The following FAM193A variants were observed in gnomAD, a reference collection of about 807,000 sequenced individuals.
FAM193A encodes family with sequence similarity 193 member A, also known as protein FAM193A.
FAM193A carries 22 observed loss-of-function variants against 126.5 expected under a neutral mutation model. That is an observed-to-expected ratio of 0.17 (90% CI 0.12 to 0.25). The LOEUF (loss-of-function observed/expected upper bound fraction) is 0.25. FAM193A is among the 10% of genes least tolerant of loss of function. FAM193A has a pLI of 1.00. For synonymous variants in FAM193A, 761 were observed against 646.8 expected, an observed-to-expected ratio of 1.18 and a Z score of -2.68; for missense variants, 1,675 against 1,672.8, an observed-to-expected ratio of 1.00 and a Z score of -0.02.
rs1711586393 is a variant in FAM193A, at chr4:2,655,655, G to A, written c.1312-2148G>A. Among the ~76,000 whole-genome samples the A allele has an allele frequency of 2.0e-5, 3 of 152,072 alleles. No individual in the cohort carries two copies. The South Asian group carries it at 6.2e-4, about 32-fold the overall frequency. The stretch of plus-strand genomic sequence containing the variant: ...AGTGTGCCAGCTAAGTTTTGGCTTG[G>A]TGCAGTGGCTCACAGCTGTAATCCC... On this transcript the variant is annotated intron_variant, in intron 7 of 20. Transcript: ENST00000637812.
intron 1 of FAM193A, among the ~76,000 whole-genome samples, chr4:2,592,260 T>C (rs1043475481): frequency 1.7e-4 from 26 of 152,154 alleles, no homozygotes; most frequent in African/African-American, 6.3e-4. Flanking sequence ...GGCTAATTTT[T>C]TGTATTTTTA....
intron 20 of FAM193A, among the ~76,000 whole-genome samples, chr4:2,730,832 G>A (rs2090082): frequency 0.34 from 51,991 of 151,746 alleles, 9,930 homozygotes; most frequent in Admixed American, 0.53. Context: ...GGCAGAGGTT[G>A]CAGTGAGCCA....
chr4:2,547,817 A>T (rs1436460411), intron 1 of FAM193A, among the ~76,000 whole-genome samples: 1 of 149,728 alleles, frequency 6.7e-6, no homozygotes, highest in East Asian at 2.0e-4. Flanking sequence ...TAGAGATGGG[A>T]TTTCACCATG....
chr4:2,576,437 T>C (rs1371305619), intron 1 of FAM193A, among the ~76,000 whole-genome samples: 1 of 152,182 alleles, frequency 6.6e-6, no homozygotes. Context: ...CAGTGGCATG[T>C]ACCTATAGGT....
chr4:2,708,246 C>T (rs1227550960), intron 19 of FAM193A: 2 of 407,272 alleles, frequency 4.9e-6, no homozygotes, highest in Non-Finnish European at 5.0e-6. Flanking sequence ...CTGCCTCAGC[C>T]TCCCAAGTAG....
At chr4:2,603,873 C>T (rs1247101711) in intron 2 of FAM193A, among the ~76,000 whole-genome samples, 1 of 149,586 alleles carries the variant, frequency 6.7e-6, no homozygotes, top group Non-Finnish European at 1.5e-5. Context: ...GACGGAATTT[C>T]ACTCTGTCAC....
intron 13 of FAM193A, among the ~76,000 whole-genome samples, chr4:2,680,156 C>T (rs1422049087): frequency 6.6e-6 from 1 of 152,194 alleles, no homozygotes; most frequent in East Asian, 1.9e-4. Flanking sequence ...CCACTGCGCC[C>T]AGCCTATTGG....
chr4:2,637,393 AG>A, intron 5 of FAM193A, among the ~76,000 whole-genome samples: 1 of 152,304 alleles, frequency 6.6e-6, no homozygotes, highest in African/African-American at 2.4e-5. Context: ...AATTGTCACT[AG>A]GCTTAAGTTA....
At chr4:2,635,310 C>A (rs1267730504) in intron 5 of FAM193A, among the ~76,000 whole-genome samples, 2 of 152,088 alleles carry the variant, frequency 1.3e-5, no homozygotes, top group Admixed American at 6.6e-5. Context: ...TGGACTTAGG[C>A]CCCTTTATAC....
At chr4:2,571,001 G>C (rs1739262167) in intron 1 of FAM193A, among the ~76,000 whole-genome samples, 1 of 152,112 alleles carries the variant, frequency 6.6e-6, no homozygotes, top group Non-Finnish European at 1.5e-5. Flanking sequence ...TTACGGAGTG[G>C]GTGGGGGTGT....
In FAM193A at chr4:2,700,363, CAAT is replaced by C. The variant is rs1409415691; in HGVS notation, c.4194_4196del (p.Asn1399del). On this transcript the variant is annotated inframe_deletion, in exon 19 of 21. Coordinates refer to ENST00000637812, the MANE Select transcript of FAM193A (RefSeq NM_001366318.2). ...AGGAGAGAAAAGTCAACAGTAATAACAATAACAAAAAGCAGCTGAACCACATCA... is the reference window on the plus strand; with the variant it reads ...AGGAGAGAAAAGTCAACAGTAATAACAACAAAAAGCAGCTGAACCACATCA... The C allele has an allele frequency of 1.2e-6, 2 of 1,613,948 alleles. No homozygotes were observed. Among genetic ancestry groups the C allele is most frequent in the African/African-American group, 2.7e-5 (2 of 74,906 alleles).
At chr4:2,614,489 C>T (rs1742069399) in intron 2 of FAM193A, among the ~76,000 whole-genome samples, 1 of 152,066 alleles carries the variant, frequency 6.6e-6, no homozygotes, top group Non-Finnish European at 1.5e-5. Context: ...TATCCTTTTG[C>T]TAGGTTGCTG....
At chr4:2,620,738 A>T (rs1742490161) in intron 2 of FAM193A, among the ~76,000 whole-genome samples, 1 of 148,778 alleles carries the variant, frequency 6.7e-6, no homozygotes. Flanking sequence ...AATCCCAGCT[A>T]CTCAGGAGAA....
chr4:2,653,155 CTTAGGGAAA>C (rs1745837853), intron 7 of FAM193A, among the ~76,000 whole-genome samples: 2 of 152,172 alleles, frequency 1.3e-5, no homozygotes, highest in African/African-American at 4.8e-5. Flanking sequence ...CAAAAATGCC[CTTAGGGAAA>C]TTCTTTTACT....
chr4:2,712,170 C>T (rs1719051064), intron 19 of FAM193A, among the ~76,000 whole-genome samples: 1 of 151,798 alleles, frequency 6.6e-6, no homozygotes, highest in Non-Finnish European at 1.5e-5. Flanking sequence ...TTTCTTGGGT[C>T]TTGGTATAGA....
At position 2,632,701 on chromosome 4, in the gene FAM193A, AG is replaced by A. The variant is rs780393280; in HGVS notation, c.1038+1538del. Among the ~76,000 whole-genome samples, 416 of 126,386 alleles carry A rather than the reference AG, an allele frequency of 3.3e-3. 1 individual carries two copies. The highest frequency in any genetic ancestry group is 9.2e-3 in the African/African-American group (311 of 33,898). The allele number at this position is 126,386 out of a possible 152,430, so 82.9% of individuals were successfully genotyped here. A position where few individuals can be genotyped will look rare whatever the true frequency, so the allele number is the denominator to read the frequency against. ...GTAGGGTGAGGGGTGGGGGTGGGGC[AG>A]GGGGGCAGTTATCCTGTTTCAAGGT... On this transcript the variant is annotated intron_variant, in intron 5 of 20. Transcript: ENST00000637812.
chr4:2,664,933 C>A (rs1429695021), intron 12 of FAM193A, among the ~76,000 whole-genome samples: 2 of 152,170 alleles, frequency 1.3e-5, no homozygotes, highest in Non-Finnish European at 2.9e-5. Flanking sequence ...TTAGGATCTA[C>A]TTGTCAACTA....
chr4:2,637,138 G>A (rs149762294), intron 5 of FAM193A, among the ~76,000 whole-genome samples: 4,874 of 152,232 alleles, frequency 0.032, 255 homozygotes, highest in African/African-American at 0.11. Context: ...ACCAGCCTGG[G>A]CAACATGGTG....
chr4:2,711,006 C>T (rs528966217), intron 19 of FAM193A, among the ~76,000 whole-genome samples: 1,647 of 151,952 alleles, frequency 0.011, 14 homozygotes, highest in Middle Eastern at 0.02. Context: ...CGCCCACCAC[C>T]TCGCCCGGCT....
Sources: allele counts gnomAD v4.1 joint callset (sites outside exome capture counted in the v4.1 genomes callset), GRCh38; gene constraint gnomAD v4.1.1; transcripts MANE v1.5; gene names NCBI Gene and HGNC (gene_info 2026-07-23, HGNC 2026-07-21).